Variants in APOBEC2 observed in about 807,000 individuals in gnomAD.
APOBEC2 encodes apolipoprotein B mRNA editing enzyme catalytic subunit 2.
APOBEC2 carries 14 observed loss-of-function variants against 19.4 expected under a neutral mutation model. The ratio of observed to expected loss-of-function variants is 0.72; its 90% CI spans 0.48 to 1.13. The LOEUF is 1.13. APOBEC2 is among the 50% of genes most tolerant of loss of function. APOBEC2 has a pLI of 0.00. For missense variants in APOBEC2, 304 were observed against 277.0 expected, an observed-to-expected ratio of 1.10 and a Z score of -0.69; for synonymous variants, 127 against 112.1, an observed-to-expected ratio of 1.13 and a Z score of -0.84.
In APOBEC2 at chr6:41,061,776, CAAG is replaced by C. The variant is rs1208720180; in HGVS notation, c.585_587del (p.Glu196del). On this transcript the variant is annotated inframe_deletion, in exon 2 of 3. Transcript: ENST00000244669. Reference sequence around the variant, plus strand: ...ATATGTCTGGCAGAATTTTGTGGAGCAAGAAGAGGGTGAATCCAAGGCCTTTCA... The same window carrying C: ...ATATGTCTGGCAGAATTTTGTGGAGCAAGAGGGTGAATCCAAGGCCTTTCA... The C allele has an allele frequency of 6.2e-7, 1 of 1,614,190 alleles. No homozygotes were observed. The highest frequency in any genetic ancestry group is 8.5e-7 in the Non-Finnish European group (1 of 1,180,040).
rs775275042 is a variant in APOBEC2, at chr6:41,061,841, CGAG to C, written c.649_651del (p.Glu217del). 6.4e-5 allele frequency: 103 copies of C among 1,613,684 alleles called. No homozygotes were observed. Among genetic ancestry groups the C allele is most frequent in the African/African-American group, 1.5e-4 (11 of 74,922 alleles). On this transcript the variant is annotated inframe_deletion, in exon 2 of 3. Transcript: ENST00000244669. ...ACATTCAGGAGAACTTCCTATACTA[CGAG>C]GAGAAGTTGGCAGACATCCTGAAGT... is the stretch of plus-strand genomic sequence containing the variant.
chr6:41,062,587 T>C (rs763140883), intron 2 of APOBEC2, among the ~76,000 whole-genome samples: 10 of 152,200 alleles, frequency 6.6e-5, no homozygotes, highest in African/African-American at 2.2e-4. Context: ...GGGGATAATA[T>C]AGCAACAAGC....
chr6:41,058,244 T>A (rs1762823307), intron 1 of APOBEC2, among the ~76,000 whole-genome samples: 1 of 136,568 alleles, frequency 7.3e-6, no homozygotes, highest in Non-Finnish European at 1.5e-5. Flanking sequence ...TACCAGCATC[T>A]CTCTACTGAC....
Position 41,061,766 on chromosome 6 carries a change from T to C in APOBEC2, c.570T>C (p.Asn190=), listed in dbSNP as rs1762880809. 1 of 1,614,212 alleles carries C rather than the reference T, an allele frequency of 6.2e-7. No individual in the cohort carries two copies. The highest frequency in any genetic ancestry group is 8.5e-7 in the Non-Finnish European group (1 of 1,180,036). Residue 190 remains asparagine (N), a synonymous_variant, in exon 2 of 3, where the codon AAT becomes AAC. Transcript: ENST00000244669. ...KPQDFEYVWQ[N]FVEQEEGESK... ...AGGACTTCGAATATGTCTGGCAGAATTTTGTGGAGCAAGAAGAGGGTGAAT... is the reference window on the plus strand; with the variant it reads ...AGGACTTCGAATATGTCTGGCAGAACTTTGTGGAGCAAGAAGAGGGTGAAT...
At chr6:41,060,146 G>A (rs1039781916) in intron 1 of APOBEC2, among the ~76,000 whole-genome samples, 1 of 151,478 alleles carries the variant, frequency 6.6e-6, no homozygotes, top group Admixed American at 6.6e-5. Context: ...TCTTCTCCTT[G>A]TTATTACCAA....
At chr6:41,053,677 G>A (rs1762759623) in intron 1 of APOBEC2, among the ~76,000 whole-genome samples, 199 bp downstream of exon 1, 1 of 152,164 alleles carries the variant, frequency 6.6e-6, no homozygotes, top group South Asian at 2.1e-4. Context: ...GACACCTTGG[G>A]CTCTCTAATC....
Position 41,061,794 on chromosome 6 carries a change from A to G in APOBEC2, c.598A>G (p.Lys200Glu), listed in dbSNP as rs748139491. Residue 200 changes from lysine to glutamate, a missense_variant, in exon 2 of 3, where the codon AAG (lysine) becomes GAG (glutamate). Physicochemically the swap from Lys to Glu is moderately conservative, Grantham distance 56 (BLOSUM62 1). Coordinates refer to ENST00000244669, the MANE Select transcript of APOBEC2 (RefSeq NM_006789.4). ...NFVEQEEGESKAFQPWEDIQE... is the reference protein window; with the variant it reads ...NFVEQEEGESEAFQPWEDIQE... ...TGTGGAGCAAGAAGAGGGTGAATCCAAGGCCTTTCAGCCCTGGGAGGACAT... is the reference window on the plus strand; with the variant it reads ...TGTGGAGCAAGAAGAGGGTGAATCCGAGGCCTTTCAGCCCTGGGAGGACAT... 1 of 1,614,218 alleles carries G rather than the reference A, an allele frequency of 6.2e-7. No individual in the cohort carries two copies. The highest frequency in any genetic ancestry group is 2.2e-5 in the East Asian group (1 of 44,878).
At chr6:41,063,463 C>A (rs574921778) in intron 2 of APOBEC2, among the ~76,000 whole-genome samples, 37 of 151,506 alleles carry the variant, frequency 2.4e-4, no homozygotes, top group African/African-American at 8.2e-4. Context: ...AAAATTTAAC[C>A]CCAGTATATT....
chr6:41,063,696 T>C (rs1272333466), intron 2 of APOBEC2, among the ~76,000 whole-genome samples: 1 of 149,858 alleles, frequency 6.7e-6, no homozygotes, highest in East Asian at 1.9e-4. Flanking sequence ...GATAAGAGTG[T>C]AATCTAAAAG....
chr6:41,054,928 T>C (rs1430643999), intron 1 of APOBEC2, among the ~76,000 whole-genome samples: 2 of 152,238 alleles, frequency 1.3e-5, no homozygotes, highest in Non-Finnish European at 2.9e-5. Flanking sequence ...AGACTATGTT[T>C]GTTCAGCTGA....
intron 1 of APOBEC2, among the ~76,000 whole-genome samples, chr6:41,059,096 T>C (rs1229348075): frequency 6.6e-6 from 1 of 152,096 alleles, no homozygotes; most frequent in Non-Finnish European, 1.5e-5. Flanking sequence ...AAAGAAACAG[T>C]CACCTCACAA....
chr6:41,060,826 T>C (rs765518052), intron 1 of APOBEC2, among the ~76,000 whole-genome samples: 53 of 152,384 alleles, frequency 3.5e-4, no homozygotes, highest in Non-Finnish European at 6.2e-4. Flanking sequence ...ATCTTTGTTT[T>C]GCTCTGTCAT....
Position 41,061,912 on chromosome 6 carries a change from T to C in APOBEC2, c.*21+20T>C, listed in dbSNP as rs1432219762. 3.2e-6 allele frequency: 5 copies of C among 1,580,414 alleles called. No individual in the cohort carries two copies. The highest frequency in any genetic ancestry group is 2.2e-5 in the East Asian group (1 of 44,676). Reference sequence around the variant, plus strand: ...CCTCACGTGAGTTTTCCTGGTGCCATGGCACCAACACTTTATTATGTTAAC... The same window carrying C: ...CCTCACGTGAGTTTTCCTGGTGCCACGGCACCAACACTTTATTATGTTAAC... On this transcript the variant is annotated intron_variant, in intron 2 of 2. Coordinates refer to ENST00000244669, the MANE Select transcript of APOBEC2 (RefSeq NM_006789.4).
chr6:41,059,487 G>A (rs1026161226), intron 1 of APOBEC2, among the ~76,000 whole-genome samples: 11 of 152,180 alleles, frequency 7.2e-5, no homozygotes, highest in Non-Finnish European at 1.3e-4. Context: ...ATAAGTGAAC[G>A]CCTGACAGGG....
intron 1 of APOBEC2, among the ~76,000 whole-genome samples, chr6:41,060,308 T>G (rs1484805923): frequency 6.6e-6 from 1 of 152,244 alleles, no homozygotes; most frequent in Non-Finnish European, 1.5e-5. Flanking sequence ...AGCTTCACAC[T>G]ATCTGCCTAT....
At chr6:41,054,615 C>A (rs749949681) in intron 1 of APOBEC2, among the ~76,000 whole-genome samples, 3 of 152,200 alleles carry the variant, frequency 2.0e-5, no homozygotes, top group Non-Finnish European at 2.9e-5. Flanking sequence ...GAAAATGCAT[C>A]CTATTTCCTG....
At chr6:41,062,614 A>G (rs926751795) in intron 2 of APOBEC2, among the ~76,000 whole-genome samples, 7 of 152,262 alleles carry the variant, frequency 4.6e-5, no homozygotes, top group African/African-American at 2.4e-5. Flanking sequence ...ATGCAGGAAC[A>G]TTTAAAGAGT....
Position 41,053,300 on chromosome 6 carries a change from G to C in APOBEC2, c.-48G>C, listed in dbSNP as rs1762753519. On this transcript the variant is annotated 5_prime_UTR_variant, in exon 1 of 3. Transcript: ENST00000244669. ...TGCCGCCAGGGCCTGGCCCAGACCTGCCTGCCTCTCTCCTCTCCCTCAGTG... is the reference window on the plus strand; with the variant it reads ...TGCCGCCAGGGCCTGGCCCAGACCTCCCTGCCTCTCTCCTCTCCCTCAGTG... 6.3e-7 allele frequency: 1 copy of C among 1,596,498 alleles called. No individual in the cohort carries two copies. Among genetic ancestry groups the C allele is most frequent in the African/African-American group, 1.3e-5 (1 of 74,450 alleles).
chr6:41,059,141 A>G (rs1375180713), intron 1 of APOBEC2, among the ~76,000 whole-genome samples: 1 of 152,212 alleles, frequency 6.6e-6, no homozygotes, highest in African/African-American at 2.4e-5. Context: ...ATGCTGGGCC[A>G]AATTCACACT....
Sources: allele counts gnomAD v4.1 joint callset (sites outside exome capture counted in the v4.1 genomes callset), GRCh38; gene constraint gnomAD v4.1.1; transcripts MANE v1.5; gene names NCBI Gene and HGNC (gene_info 2026-07-23, HGNC 2026-07-21).